The following SCHIP1 variants were observed in gnomAD, a reference collection of about 807,000 sequenced individuals.
The protein encoded by SCHIP1 is schwannomin interacting protein 1, also known as schwannomin-interacting protein 1.
A neutral mutation model predicts 29.7 loss-of-function variants in SCHIP1; 8 were observed. The ratio of observed to expected loss-of-function variants is 0.27; its 90% CI spans 0.16 to 0.49. SCHIP1 has a LOEUF of 0.49. Ranked by LOEUF, SCHIP1 falls within the 20% of genes least tolerant of loss-of-function variation. The probability of loss-of-function intolerance (pLI) is 0.99; values close to 1 mark genes in which losing one functional copy is unlikely to be tolerated. For synonymous variants in SCHIP1, 76 were observed against 94.9 expected (o/e 0.80, Z 1.16); for missense variants, 193 against 294.6 (o/e 0.66, Z 2.52).
chr3:159,354,533 T>A, the SCHIP1 span, among the ~76,000 whole-genome samples: 2 of 152,192 alleles, frequency 1.3e-5, no homozygotes, highest in Non-Finnish European at 2.9e-5. Context: ...TTTTATAAAC[T>A]GGATTTCTAT....
At chr3:159,383,385 T>G in the SCHIP1 span, among the ~76,000 whole-genome samples, 3 of 151,082 alleles carry the variant, frequency 2.0e-5, no homozygotes, top group Middle Eastern at 3.5e-3. Flanking sequence ...CATTGCTTGT[T>G]TTTCTCAGGT....
the SCHIP1 span, among the ~76,000 whole-genome samples, chr3:159,765,919 G>A: frequency 5.9e-5 from 9 of 152,196 alleles, no homozygotes; most frequent in East Asian, 1.7e-3. Flanking sequence ...GGGTGCTGGA[G>A]TGGAAAAGAG....
chr3:159,556,332 A>T, the SCHIP1 span, among the ~76,000 whole-genome samples: 3 of 152,246 alleles, frequency 2.0e-5, no homozygotes, highest in East Asian at 5.8e-4. Context: ...ACTGTAAACT[A>T]GTTCAACCAT....
At chr3:159,770,316 A>G in the SCHIP1 span, among the ~76,000 whole-genome samples, 3 of 152,154 alleles carry the variant, frequency 2.0e-5, no homozygotes, top group East Asian at 3.9e-4. Flanking sequence ...CTGGAGTGCA[A>G]TGATGCTATC....
chr3:159,292,927 C>A, the SCHIP1 span, among the ~76,000 whole-genome samples: 5 of 152,226 alleles, frequency 3.3e-5, 1 homozygote, highest in Middle Eastern at 6.8e-3. Flanking sequence ...AGATTTTTCT[C>A]ATCCTGTTTA....
exon 7 of SCHIP1, chr3:159,896,898 T>C: frequency 1.0e-6 from 1 of 990,288 alleles, no homozygotes; most frequent in Non-Finnish European, 1.4e-6. Context: ...GTCTGAAGCT[T>C]AATGTCCAGT....
At chr3:159,705,551 G>A in the SCHIP1 span, among the ~76,000 whole-genome samples, 1 of 152,070 alleles carries the variant, frequency 6.6e-6, no homozygotes, top group African/African-American at 2.4e-5. Flanking sequence ...AGCACTTGGA[G>A]TCAGGGATAG....
chr3:159,601,521 T>C, the SCHIP1 span, among the ~76,000 whole-genome samples: 1 of 152,074 alleles, frequency 6.6e-6, no homozygotes, highest in African/African-American at 2.4e-5. Context: ...TAGGATCAGG[T>C]ATGCAGAGGG....
At chr3:159,283,239 G>A in the SCHIP1 span, among the ~76,000 whole-genome samples, 3 of 152,036 alleles carry the variant, frequency 2.0e-5, no homozygotes, top group African/African-American at 4.8e-5. Context: ...TGCAACCTCC[G>A]CCTCCTGGGT....
chr3:159,307,146 T>A, the SCHIP1 span, among the ~76,000 whole-genome samples: 2 of 152,292 alleles, frequency 1.3e-5, no homozygotes, highest in East Asian at 3.9e-4. Context: ...AGGTAGCCAA[T>A]GAAAATGATA....
At chr3:159,506,510 C>T in the SCHIP1 span, among the ~76,000 whole-genome samples, 1 of 152,180 alleles carries the variant, frequency 6.6e-6, no homozygotes, top group African/African-American at 2.4e-5. Flanking sequence ...GTTGCCATTG[C>T]TTTTGGTGTT....
chr3:159,765,018 C>T, the SCHIP1 span: 18 of 1,539,438 alleles, frequency 1.2e-5, no homozygotes, highest in East Asian at 3.6e-4. Context: ...GGACGTGCGT[C>T]CCCGAAGAGC....
chr3:159,284,180 T>G, the SCHIP1 span, among the ~76,000 whole-genome samples: 5 of 152,176 alleles, frequency 3.3e-5, no homozygotes, highest in African/African-American at 9.7e-5. Flanking sequence ...ACAATGTCTT[T>G]TCTTATAAAT....
the SCHIP1 span, among the ~76,000 whole-genome samples, chr3:159,421,960 T>G: frequency 1.3e-5 from 2 of 152,198 alleles, no homozygotes; most frequent in Non-Finnish European, 1.5e-5. Flanking sequence ...GAAAGTAAGT[T>G]AAGTGAAAAA....
chr3:159,826,977 AGTAGCAT>A, the SCHIP1 span, among the ~76,000 whole-genome samples: 2 of 152,194 alleles, frequency 1.3e-5, no homozygotes, highest in African/African-American at 2.4e-5. Flanking sequence ...ATGTGTTGGG[AGTAGCAT>A]AATTTCCTGA....
chr3:159,351,717 T>C, the SCHIP1 span, among the ~76,000 whole-genome samples: 33 of 152,284 alleles, frequency 2.2e-4, no homozygotes, highest in African/African-American at 7.0e-4. Context: ...TTAGTCCTAG[T>C]TTATGGTACA....
At chr3:159,392,458 C>T in the SCHIP1 span, among the ~76,000 whole-genome samples, 1 of 145,154 alleles carries the variant, frequency 6.9e-6, no homozygotes, top group African/African-American at 2.7e-5. Context: ...CTATCCCTCC[C>T]CCCTCACCCC....
At chr3:159,677,041 A>G in the SCHIP1 span, among the ~76,000 whole-genome samples, 1 of 152,128 alleles carries the variant, frequency 6.6e-6, no homozygotes, top group Non-Finnish European at 1.5e-5. Context: ...TTACAGAACC[A>G]TCTCTGGCCA....
the SCHIP1 span, among the ~76,000 whole-genome samples, chr3:159,459,569 A>AT: frequency 9.9e-5 from 15 of 152,034 alleles, no homozygotes; most frequent in African/African-American, 2.9e-4. Flanking sequence ...AACAAAAAAA[A>AT]ATGTGATGCG....
Sources: gnomAD v4.1 joint callset for allele counts (sites outside exome capture counted in the v4.1 genomes callset) on GRCh38, gnomAD v4.1.1 for gene constraint, MANE v1.5 for transcripts, NCBI Gene and HGNC (gene_info 2026-07-23, HGNC 2026-07-21) for gene names.